Variants in PRKCA observed in about 807,000 individuals in gnomAD.
PRKCA encodes the protein protein kinase C alpha.
A neutral mutation model predicts 87.0 loss-of-function variants in PRKCA; 27 were observed. The ratio of observed to expected loss-of-function variants is 0.31; its 90% CI spans 0.23 to 0.43. The LOEUF (loss-of-function observed/expected upper bound fraction) is 0.43. PRKCA is among the 20% of genes least tolerant of loss of function. The pLI is 1.00. For missense variants in PRKCA, 518 were observed against 852.3 expected, an observed-to-expected ratio of 0.61 and a Z score of 4.88; for synonymous variants, 329 against 311.1, an observed-to-expected ratio of 1.06 and a Z score of -0.61.
At chr17:66,401,217 G>A (rs1239866186) in intron 2 of PRKCA, among the ~76,000 whole-genome samples, 7 of 152,168 alleles carry the variant, frequency 4.6e-5, no homozygotes, top group Non-Finnish European at 2.9e-5. Context: ...GCAGGTGAGG[G>A]ATGAGGAAAG....
intron 3 of PRKCA, among the ~76,000 whole-genome samples, chr17:66,585,511 G>A (rs1218831243): frequency 6.6e-6 from 1 of 152,240 alleles, no homozygotes; most frequent in Non-Finnish European, 1.5e-5. Context: ...TCTAGTTCCT[G>A]TAGCACAAAT....
At chr17:66,613,038 A>G (rs1242767849) in intron 3 of PRKCA, among the ~76,000 whole-genome samples, 1 of 152,234 alleles carries the variant, frequency 6.6e-6, no homozygotes, top group African/African-American at 2.4e-5. Context: ...ACAAGTTGCA[A>G]TTGTGTACAG....
chr17:66,644,778 C>G (rs1019312973), intron 4 of PRKCA, among the ~76,000 whole-genome samples: 2 of 152,032 alleles, frequency 1.3e-5, no homozygotes, highest in African/African-American at 4.8e-5. Flanking sequence ...CACAGATTTT[C>G]ACTCTTTCTC....
chr17:66,455,590 G>C (rs534402171), intron 2 of PRKCA, among the ~76,000 whole-genome samples: 1 of 152,318 alleles, frequency 6.6e-6, no homozygotes, highest in African/African-American at 2.4e-5. Flanking sequence ...AAGTCTGGCT[G>C]AGTCAAACTT....
At chr17:66,359,258 T>C (rs1908242505) in intron 2 of PRKCA, among the ~76,000 whole-genome samples, 1 of 152,180 alleles carries the variant, frequency 6.6e-6, no homozygotes, top group African/African-American at 2.4e-5. Context: ...CACCAACTTT[T>C]GTCACTAATA....
At chr17:66,375,027 C>G (rs1489118513) in intron 2 of PRKCA, among the ~76,000 whole-genome samples, 1 of 149,844 alleles carries the variant, frequency 6.7e-6, no homozygotes, top group African/African-American at 2.5e-5. Flanking sequence ...GACACCGCAC[C>G]CGGCCTTAGT....
intron 2 of PRKCA, chr17:66,415,011 G>A (rs926528328): frequency 5.9e-5 from 9 of 151,644 alleles, no homozygotes; most frequent in African/African-American, 2.2e-4. Flanking sequence ...ACATGATAAC[G>A]TTTATCTCTC....
At chr17:66,355,985 G>T (rs1308782370) in intron 2 of PRKCA, among the ~76,000 whole-genome samples, 2 of 152,040 alleles carry the variant, frequency 1.3e-5, no homozygotes, top group Non-Finnish European at 2.9e-5. Context: ...TGCAACCTCC[G>T]CCTCCTGGGT....
At chr17:66,783,459 A>G (rs965493019) in intron 14 of PRKCA, among the ~76,000 whole-genome samples, 1 of 152,164 alleles carries the variant, frequency 6.6e-6, no homozygotes, top group Non-Finnish European at 1.5e-5. Context: ...AGAAGACTTG[A>G]CAGTAAAAGT....
chr17:66,311,016 T>G (rs187681750), intron 2 of PRKCA, among the ~76,000 whole-genome samples: 1 of 152,298 alleles, frequency 6.6e-6, no homozygotes, highest in East Asian at 1.9e-4. Flanking sequence ...CTGTGTGGCC[T>G]CTGGCTGCCC....
intron 8 of PRKCA, among the ~76,000 whole-genome samples, chr17:66,692,265 T>G (rs1972804544): frequency 6.6e-6 from 1 of 152,160 alleles, no homozygotes; most frequent in Non-Finnish European, 1.5e-5. Flanking sequence ...GTTCCTAGAT[T>G]TTACTCAAAT....
At chr17:66,337,027 G>T (rs1473675294) in intron 2 of PRKCA, among the ~76,000 whole-genome samples, 1 of 152,172 alleles carries the variant, frequency 6.6e-6, no homozygotes, top group Non-Finnish European at 1.5e-5. Flanking sequence ...CTGACCTTAG[G>T]TGATCCGCCC....
intron 3 of PRKCA, among the ~76,000 whole-genome samples, chr17:66,559,474 C>T (rs1023127617): frequency 1.3e-4 from 13 of 96,694 alleles, no homozygotes; most frequent in Non-Finnish European, 2.3e-4. Flanking sequence ...GAGTCTCTGT[C>T]TCACCAAAAA....
intron 3 of PRKCA, among the ~76,000 whole-genome samples, chr17:66,624,446 G>T (rs771768746): frequency 2.6e-5 from 4 of 152,272 alleles, no homozygotes; most frequent in Non-Finnish European, 5.9e-5. Flanking sequence ...CTGGGCAGAG[G>T]GTTCTAAATT....
chr17:66,479,252 A>C (rs1294406626), intron 2 of PRKCA, among the ~76,000 whole-genome samples: 1 of 152,226 alleles, frequency 6.6e-6, no homozygotes, highest in Non-Finnish European at 1.5e-5. Flanking sequence ...ACCAACAATC[A>C]TGAAAAAACA....
chr17:66,371,434 A>C (rs1402454920), intron 2 of PRKCA, among the ~76,000 whole-genome samples: 1 of 152,208 alleles, frequency 6.6e-6, no homozygotes, highest in Admixed American at 6.5e-5. Flanking sequence ...ACCGGGGGTG[A>C]GATTTGAACC....
chr17:66,414,879 T>A (rs1204041386), intron 2 of PRKCA: 1 of 152,180 alleles, frequency 6.6e-6, no homozygotes, highest in East Asian at 1.9e-4. Context: ...GAAATTGTTT[T>A]TAAAGACTAG....
chr17:66,789,049 CT>C, intron 16 of PRKCA, 70 bp downstream of exon 16: 2 of 1,561,982 alleles, frequency 1.3e-6, no homozygotes, highest in East Asian at 2.3e-5. Flanking sequence ...CCACTCACCT[CT>C]TTTCTTGGAG....
At chr17:66,725,108 G>T (rs1338749619) in intron 8 of PRKCA, among the ~76,000 whole-genome samples, 3 of 152,128 alleles carry the variant, frequency 2.0e-5, no homozygotes, top group Non-Finnish European at 4.4e-5. Context: ...CCTCTGGGGA[G>T]GGTCATCATG....
Sources: gnomAD v4.1 joint callset for allele counts (sites outside exome capture counted in the v4.1 genomes callset) on GRCh38, gnomAD v4.1.1 for gene constraint, MANE v1.5 for transcripts, NCBI Gene and HGNC (gene_info 2026-07-23, HGNC 2026-07-21) for gene names.